The following GRM1 variants were observed in gnomAD, a reference collection of about 807,000 sequenced individuals.
GRM1 encodes metabotropic glutamate receptor 1.
Under a neutral mutation model 90.9 loss-of-function variants are expected in GRM1, and 33 were observed. The ratio of observed to expected loss-of-function variants is 0.36; its 90% CI spans 0.28 to 0.49. The LOEUF (loss-of-function observed/expected upper bound fraction) is 0.49. Among genes scored for constraint, GRM1 ranks in the 20% least tolerant of loss-of-function variants. The pLI is 0.99. For synonymous variants in GRM1, 700 were observed against 613.2 expected, an observed-to-expected ratio of 1.14 and a Z score of -2.09; for missense variants, 1,190 against 1,534.3, an observed-to-expected ratio of 0.78 and a Z score of 3.75.
At chr6:146,172,565 G>C (rs1486754570) in intron 2 of GRM1, among the ~76,000 whole-genome samples, 1 of 152,138 alleles carries the variant, frequency 6.6e-6, no homozygotes, top group East Asian at 1.9e-4. Flanking sequence ...GAAATATTTG[G>C]TAGAGGAGTG....
At chr6:146,114,637 A>G (rs890020010) in intron 1 of GRM1, among the ~76,000 whole-genome samples, 87 of 152,294 alleles carry the variant, frequency 5.7e-4, no homozygotes, top group African/African-American at 2.0e-3. Flanking sequence ...GTACAATAGT[A>G]AGTAAAAGCA....
rs1320752335 is a variant in GRM1 at position 146,398,769 on chromosome 6, G to T, written c.1730G>T (p.Gly577Val). ...GCTCAAATGATTTTTCTCATCACAG[G>T]CTGTGAGCCCATTCCTGTGCGCTAT... ...LGWWPNADLT[G>V]CEPIPVRYLE... Residue 577 changes from glycine to valine, a missense_variant and splice_region_variant, in exon 7 of 8, where the codon GGC becomes GTC. Gly to Val is a moderately radical substitution (Grantham distance 109). Around this residue, in one of 10 missense-constraint regions of GRM1, gnomAD observed 414 missense variants for 598.4 expected, o/e 0.69. Coordinates refer to ENST00000282753, the MANE Select transcript of GRM1 (RefSeq NM_001278064.2). 6.2e-7 allele frequency: 1 copy of T among 1,604,956 alleles called. No homozygotes were observed. Among genetic ancestry groups the T allele is most frequent in the Admixed American group, 1.7e-5 (1 of 60,000 alleles).
At chr6:146,410,728 C>T (rs1256545693) in intron 7 of GRM1, among the ~76,000 whole-genome samples, 2 of 152,008 alleles carry the variant, frequency 1.3e-5, no homozygotes, top group Non-Finnish European at 2.9e-5. Flanking sequence ...AGAGCGTATT[C>T]TAGGCAGAGG....
chr6:146,087,697 G>A (rs1776591776), intron 1 of GRM1, among the ~76,000 whole-genome samples: 1 of 152,138 alleles, frequency 6.6e-6, no homozygotes, highest in Admixed American at 6.6e-5. Flanking sequence ...CATACAGTAT[G>A]TGACCTTTTG....
At chr6:146,350,352 A>T (rs573162412) in intron 3 of GRM1, among the ~76,000 whole-genome samples, 2 of 151,718 alleles carry the variant, frequency 1.3e-5, no homozygotes, top group African/African-American at 4.9e-5. Context: ...ATATTTTTCT[A>T]CAGTTTGACC....
chr6:146,172,863 C>T, intron 2 of GRM1, among the ~76,000 whole-genome samples: 1 of 152,032 alleles, frequency 6.6e-6, no homozygotes, highest in Admixed American at 6.6e-5. Context: ...TTATACTTTT[C>T]ACAGAAAGAG....
chr6:146,039,950 A>G (rs903103089), intron 1 of GRM1, among the ~76,000 whole-genome samples: 5 of 152,154 alleles, frequency 3.3e-5, no homozygotes, highest in African/African-American at 1.2e-4. Context: ...CAATAAAGTC[A>G]AGGGATCCCA....
At chr6:146,398,109 G>A (rs2114576887) in intron 6 of GRM1, among the ~76,000 whole-genome samples, 1 of 152,246 alleles carries the variant, frequency 6.6e-6, no homozygotes, top group African/African-American at 2.4e-5. Context: ...ATGGGTTAGG[G>A]GAGATTTCAT....
At chr6:146,239,275 A>G (rs939209589) in intron 2 of GRM1, among the ~76,000 whole-genome samples, 1 of 152,142 alleles carries the variant, frequency 6.6e-6, no homozygotes, top group Non-Finnish European at 1.5e-5. Flanking sequence ...CTCCTTCTCT[A>G]AAAAATGTAT....
At chr6:146,167,941 C>T (rs1228530830) in intron 2 of GRM1, among the ~76,000 whole-genome samples, 1 of 151,842 alleles carries the variant, frequency 6.6e-6, no homozygotes, top group African/African-American at 2.4e-5. Context: ...TGTGTTCTAT[C>T]AAAAATATTT....
At chr6:146,419,903 A>G (rs1298764702) in intron 7 of GRM1, among the ~76,000 whole-genome samples, 2 of 152,194 alleles carry the variant, frequency 1.3e-5, no homozygotes, top group African/African-American at 4.8e-5. Context: ...TGGGTGGGAC[A>G]GAGAGCCAAA....
intron 1 of GRM1, among the ~76,000 whole-genome samples, chr6:146,038,620 C>T (rs1037792148): frequency 5.3e-5 from 8 of 151,956 alleles, no homozygotes; most frequent in Admixed American, 5.3e-4. Context: ...GATTTACTAA[C>T]ACTGAGTGGC....
At chr6:146,150,927 C>CGT (rs1777302082) in intron 1 of GRM1, among the ~76,000 whole-genome samples, 2 of 87,196 alleles carry the variant, frequency 2.3e-5, no homozygotes, top group Admixed American at 1.4e-4. Flanking sequence ...AACACACACA[C>CGT]GCGTGTGCGC....
chr6:146,346,567 A>T (rs534961295), intron 3 of GRM1, among the ~76,000 whole-genome samples: 1 of 152,314 alleles, frequency 6.6e-6, no homozygotes, highest in East Asian at 1.9e-4. Context: ...AAGGCTAGAC[A>T]GTTCTGAATC....
chr6:146,273,638 G>C (rs563987629), intron 2 of GRM1, among the ~76,000 whole-genome samples: 90 of 152,278 alleles, frequency 5.9e-4, no homozygotes, highest in African/African-American at 2.0e-3. Flanking sequence ...AGTTACAATA[G>C]TAGTCACATG....
chr6:146,111,011 AG>A (rs1216954895), intron 1 of GRM1, among the ~76,000 whole-genome samples: 1 of 152,252 alleles, frequency 6.6e-6, no homozygotes, highest in Non-Finnish European at 1.5e-5. Flanking sequence ...GGCATTGTAA[AG>A]TACATGAGTC....
intron 2 of GRM1, among the ~76,000 whole-genome samples, chr6:146,194,280 A>G (rs1313002064): frequency 6.6e-6 from 1 of 152,062 alleles, no homozygotes; most frequent in Admixed American, 6.6e-5. Flanking sequence ...CACTAATGAC[A>G]TCTTCTTTGT....
Position 146,108,906 on chromosome 6 carries a change from C to A in GRM1, c.701-50442C>A, listed in dbSNP as rs372131091. Among the ~76,000 whole-genome samples, 8 of 152,254 alleles carry A rather than the reference C, an allele frequency of 5.3e-5. No homozygotes were observed. In the East Asian group the frequency reaches 9.6e-4, roughly 18 times the overall value. Reference sequence around the variant, plus strand: ...AGAAACTGGTGGTATTTTGCCCCTGCACAGAGATTTGTGGAACTTTGAATG... The same window carrying A: ...AGAAACTGGTGGTATTTTGCCCCTGAACAGAGATTTGTGGAACTTTGAATG... On this transcript the variant is annotated intron_variant, in intron 1 of 7. Coordinates refer to ENST00000282753, the MANE Select transcript of GRM1 (RefSeq NM_001278064.2).
At chr6:146,057,649 A>G (rs962353177) in intron 1 of GRM1, among the ~76,000 whole-genome samples, 1 of 152,114 alleles carries the variant, frequency 6.6e-6, no homozygotes, top group African/African-American at 2.4e-5. Flanking sequence ...TGAATCCTAA[A>G]GAATTGCATA....
Sources: allele counts gnomAD v4.1 joint callset (sites outside exome capture counted in the v4.1 genomes callset), GRCh38; gene constraint gnomAD v4.1.1; regional missense constraint gnomAD v4.1.1; transcripts MANE v1.5; gene names NCBI Gene and HGNC (gene_info 2026-07-23, HGNC 2026-07-21).